The following RFFL variants were observed in gnomAD, a reference collection of about 807,000 sequenced individuals.
RFFL encodes the protein E3 ubiquitin-protein ligase rififylin.
A neutral mutation model predicts 40.4 loss-of-function variants in RFFL; 16 were observed. The ratio of observed to expected loss-of-function variants is 0.40; its 90% CI spans 0.27 to 0.60. The LOEUF (loss-of-function observed/expected upper bound fraction) is 0.60. Among genes scored for constraint, RFFL ranks in the 20% least tolerant of loss-of-function variants. The pLI, the probability that RFFL is intolerant of heterozygous loss-of-function variation, is 0.47. For synonymous variants in RFFL, 154 were observed against 167.9 expected, an observed-to-expected ratio of 0.92 and a Z score of 0.64; for missense variants, 367 against 451.7, an observed-to-expected ratio of 0.81 and a Z score of 1.70.
upstream of RFFL, among the ~76,000 whole-genome samples, chr17:35,064,983 T>C (rs1013530359): frequency 1.3e-5 from 2 of 152,216 alleles, no homozygotes; most frequent in Admixed American, 6.5e-5. Flanking sequence ...CCCTGTTTTA[T>C]TTCCTCCCCT....
chr17:35,088,063 G>T (rs2091439769), intron 1 of RFFL, among the ~76,000 whole-genome samples: 1 of 152,124 alleles, frequency 6.6e-6, no homozygotes, highest in Non-Finnish European at 1.5e-5. Context: ...GGAGAATAAG[G>T]CACCCCAAAC....
intron 1 of RFFL, among the ~76,000 whole-genome samples, chr17:35,027,064 T>C (rs189027330): frequency 2.0e-5 from 3 of 152,304 alleles, no homozygotes; most frequent in Non-Finnish European, 2.9e-5. Flanking sequence ...AAATCAAATA[T>C]ATAGCCAATA....
chr17:35,026,366 G>C lies in RFFL; in HGVS notation c.180+8C>G. On this transcript the variant is annotated splice_region_variant and intron_variant, in intron 2 of 6. Transcript: ENST00000394597. ...AGTGGCAGAGCAGGCCAAGAAGTCA[G>C]CACTCACCTTCCTGGCCGTGTTTGC... The C allele has an allele frequency of 6.2e-7, 1 of 1,613,064 alleles. No homozygotes were observed. The highest frequency in any genetic ancestry group is 8.5e-7 in the Non-Finnish European group (1 of 1,179,612).
chr17:35,066,317 T>C (rs1025401586), upstream of RFFL, among the ~76,000 whole-genome samples: 6 of 152,210 alleles, frequency 3.9e-5, no homozygotes, highest in East Asian at 9.6e-4. Context: ...CTTTCTTTTC[T>C]GCAATAGATC....
At chr17:35,036,438 A>G (rs1341301164) in intron 1 of RFFL, 1 of 152,222 alleles carries the variant, frequency 6.6e-6, no homozygotes, top group Non-Finnish European at 1.5e-5. Flanking sequence ...AGACTTGGCA[A>G]TTTAGTCCTC....
Position 35,055,701 on chromosome 17 carries a change from A to C in RFFL, c.-9+7875T>G, listed in dbSNP as rs371894859. On this transcript the variant is annotated intron_variant, in intron 1 of 6. Coordinates refer to ENST00000394597, the MANE Select transcript of RFFL (RefSeq NM_001017368.2). ...AAAAACAAACAAACAAACAAACAAAAAAAAAACATTAATCAGGCTGGATTT... is the reference window on the plus strand; with the variant it reads ...AAAAACAAACAAACAAACAAACAAACAAAAAACATTAATCAGGCTGGATTT... Among the ~76,000 whole-genome samples, 402 of 151,768 alleles carry C rather than the reference A, an allele frequency of 2.6e-3. 2 individuals are homozygous for C. The highest frequency in any genetic ancestry group is 7.9e-3 in the African/African-American group (324 of 41,192).
chr17:35,034,667 A>T (rs1478553156), intron 1 of RFFL, among the ~76,000 whole-genome samples: 14 of 151,934 alleles, frequency 9.2e-5, no homozygotes, highest in Non-Finnish European at 1.5e-4. Flanking sequence ...TAGCTGGGAC[A>T]ACAGGGAGTT....
upstream of RFFL, among the ~76,000 whole-genome samples, chr17:35,065,597 G>T (rs1221471644): frequency 6.6e-6 from 1 of 150,840 alleles, no homozygotes; most frequent in Non-Finnish European, 1.5e-5. Context: ...AATCCAGACA[G>T]TACTATGCCC....
intron 1 of RFFL, among the ~76,000 whole-genome samples, chr17:35,079,045 T>G (rs12941506): frequency 0.025 from 3,833 of 152,100 alleles, 164 homozygotes; most frequent in African/African-American, 0.087. Flanking sequence ...ACACAAACAT[T>G]TAACTAGTGG....
chr17:35,049,868 G>C (rs757605540), intron 1 of RFFL, among the ~76,000 whole-genome samples: 3 of 152,130 alleles, frequency 2.0e-5, no homozygotes, highest in Admixed American at 6.5e-5. Context: ...GATCACCTGA[G>C]GTCAGGAGTT....
chr17:35,078,250 A>T (rs1348775550), intron 1 of RFFL, among the ~76,000 whole-genome samples: 1 of 151,570 alleles, frequency 6.6e-6, no homozygotes, highest in Admixed American at 6.6e-5. Flanking sequence ...CTTCAGGAAT[A>T]AAAAAAAAGG....
chr17:35,080,753 A>T (rs1021982155), intron 1 of RFFL, among the ~76,000 whole-genome samples: 1 of 152,208 alleles, frequency 6.6e-6, no homozygotes, highest in Admixed American at 6.5e-5. Flanking sequence ...ATGTTTCAGC[A>T]GATCATACTG....
rs1021308598 is a variant in RFFL, at chr17:35,014,607, A to G, written c.910+133T>C. ...GATGGTGAGAGGCCCCCTGGGTCTC[A>G]GTGAGTTTCCCACACACCCTCTCTC... On this transcript the variant is annotated intron_variant, in intron 6 of 6. Coordinates refer to ENST00000394597, the MANE Select transcript of RFFL (RefSeq NM_001017368.2). 8 of 828,700 alleles carry G rather than the reference A, an allele frequency of 9.7e-6. No individual in the cohort carries two copies. The African/African-American group carries it at 1.4e-4, about 14-fold the overall frequency. The allele number at this position is 828,700 out of a possible 1,614,324, so 51.3% of individuals were successfully genotyped here. A position where few individuals can be genotyped will look rare whatever the true frequency, so the allele number is the denominator to read the frequency against.
At chr17:35,072,955 A>T (rs2091358417) in intron 1 of RFFL, among the ~76,000 whole-genome samples, 1 of 151,856 alleles carries the variant, frequency 6.6e-6, no homozygotes, top group African/African-American at 2.4e-5. Context: ...AGGCAGGAGA[A>T]TCACTTGAAC....
chr17:35,075,989 T>A (rs1295264886), intron 1 of RFFL, among the ~76,000 whole-genome samples: 2 of 135,740 alleles, frequency 1.5e-5, no homozygotes, highest in African/African-American at 5.6e-5. Flanking sequence ...ATTTATTCTT[T>A]TTTTTTTTTT....
intron 1 of RFFL, chr17:35,069,591 C>A: frequency 3.5e-6 from 1 of 282,606 alleles, no homozygotes; most frequent in Non-Finnish European, 7.1e-6. Context: ...GATGAGTAGA[C>A]AAATACCCAA....
chr17:35,055,730 C>A (rs1196267664), intron 1 of RFFL, among the ~76,000 whole-genome samples: 1 of 151,016 alleles, frequency 6.6e-6, no homozygotes, highest in Non-Finnish European at 1.5e-5. Context: ...TGGATTTTGA[C>A]ACATTTCCTT....
chr17:35,012,319 A>G (rs1194693249), intron 6 of RFFL, among the ~76,000 whole-genome samples, 170 bp from the exon 7 acceptor site: 1 of 152,218 alleles, frequency 6.6e-6, no homozygotes. Context: ...CATTTCCTCA[A>G]TAACCAACTC....
At chr17:35,019,952 C>T (rs540953984) in intron 3 of RFFL, among the ~76,000 whole-genome samples, 33 of 152,206 alleles carry the variant, frequency 2.2e-4, no homozygotes, top group Non-Finnish European at 4.3e-4. Flanking sequence ...TCAGGGGGCC[C>T]AGTCCTGGCA....
Sources: gnomAD v4.1 joint callset for allele counts (sites outside exome capture counted in the v4.1 genomes callset) on GRCh38, gnomAD v4.1.1 for gene constraint, MANE v1.5 for transcripts, NCBI Gene and HGNC (gene_info 2026-07-23, HGNC 2026-07-21) for gene names.